FMNL2: variants seen among roughly 807,000 people sequenced by gnomAD.
FMNL2 encodes formin like 2.
A neutral mutation model predicts 130.2 loss-of-function variants in FMNL2; 51 were observed. That is an observed-to-expected ratio of 0.39 (90% CI 0.31 to 0.49). The LOEUF is 0.49. Among genes scored for constraint, FMNL2 ranks in the 20% least tolerant of loss-of-function variants. FMNL2 has a pLI of 0.85. For synonymous variants in FMNL2, 465 were observed against 467.1 expected, an observed-to-expected ratio of 1.00 and a Z score of 0.06; for missense variants, 977 against 1,316.2, an observed-to-expected ratio of 0.74 and a Z score of 3.99.
chr2:152,539,684 G>C (rs1169069966), intron 2 of FMNL2, among the ~76,000 whole-genome samples: 4 of 152,114 alleles, frequency 2.6e-5, no homozygotes, highest in Non-Finnish European at 5.9e-5. Flanking sequence ...ATAATTTCAA[G>C]TCCTAAGGAA....
chr2:152,429,265 C>A (rs1022452566), intron 1 of FMNL2, among the ~76,000 whole-genome samples: 1 of 151,264 alleles, frequency 6.6e-6, no homozygotes, highest in East Asian at 1.9e-4. Context: ...GAAGACAGCA[C>A]GCAGTGTCCG....
chr2:152,421,664 C>A lies in FMNL2; in HGVS notation c.117+85944C>A, dbSNP rs138748811. Among the ~76,000 whole-genome samples, 8 of 152,242 alleles carry A rather than the reference C, an allele frequency of 5.3e-5. No homozygotes were observed. In the East Asian group the frequency reaches 1.5e-3, roughly 29 times the overall value. On this transcript the variant is annotated intron_variant, in intron 1 of 25. Coordinates refer to ENST00000288670, the MANE Select transcript of FMNL2 (RefSeq NM_052905.4). ...GAACTTCGAGAAATGTGAGATGATT[C>A]AATTCTGTTGGCAGCAGTGCCTTTC...
chr2:152,421,952 A>G (rs1365230298), intron 1 of FMNL2, among the ~76,000 whole-genome samples: 1 of 152,200 alleles, frequency 6.6e-6, no homozygotes, highest in Non-Finnish European at 1.5e-5. Flanking sequence ...ATTATCTCCA[A>G]TCCTAAGTAA....
At chr2:152,602,134 C>T (rs1016379742) in intron 9 of FMNL2, among the ~76,000 whole-genome samples, 6 of 152,166 alleles carry the variant, frequency 3.9e-5, no homozygotes, top group Non-Finnish European at 7.3e-5. Context: ...GCCCTTTACC[C>T]CCATCAGTCT....
intron 1 of FMNL2, among the ~76,000 whole-genome samples, chr2:152,521,676 C>A (rs946342861): frequency 6.6e-6 from 1 of 152,302 alleles, no homozygotes; most frequent in East Asian, 1.9e-4. Flanking sequence ...AGCGACAAGG[C>A]ATCACCTTTG....
At position 152,433,552 on chromosome 2, in the gene FMNL2, G is replaced by A. The variant is rs146635637; in HGVS notation, c.118-88391G>A. The stretch of plus-strand genomic sequence containing the variant: ...GCCTAGTGAGTCAACTCTTAATGTA[G>A]TCTACCGTGGACATCAGGGTTGGTC... On this transcript the variant is annotated intron_variant, in intron 1 of 25. Coordinates refer to ENST00000288670, the MANE Select transcript of FMNL2 (RefSeq NM_052905.4). Among the ~76,000 whole-genome samples the A allele has an allele frequency of 1.1e-4, 16 of 152,308 alleles. No individual in the cohort carries two copies. In the East Asian group the frequency reaches 2.5e-3, roughly 24 times the overall value.
intron 1 of FMNL2, among the ~76,000 whole-genome samples, chr2:152,396,044 T>C (rs181159860): frequency 3.9e-5 from 6 of 152,350 alleles, no homozygotes; most frequent in African/African-American, 1.4e-4. Context: ...GTGAATGGGA[T>C]TCTGAAGTCT....
At chr2:152,538,016 G>T (rs986294310) in intron 2 of FMNL2, among the ~76,000 whole-genome samples, 3 of 152,156 alleles carry the variant, frequency 2.0e-5, no homozygotes, top group Admixed American at 6.5e-5. Context: ...GAGCTAAGAG[G>T]TCTAAAGAAT....
chr2:152,491,208 T>C (rs1558908797), intron 1 of FMNL2, among the ~76,000 whole-genome samples: 1 of 152,210 alleles, frequency 6.6e-6, no homozygotes, highest in Non-Finnish European at 1.5e-5. Flanking sequence ...TGTCCCAATT[T>C]AAGGAGGAAG....
chr2:152,600,079 T>C lies in FMNL2; in HGVS notation c.877-7260T>C, dbSNP rs144943336. Among the ~76,000 whole-genome samples the C allele has an allele frequency of 5.3e-5, 8 of 152,306 alleles. No individual in the cohort carries two copies. In the South Asian group the frequency reaches 1.0e-3, roughly 20 times the overall value. On this transcript the variant is annotated intron_variant, in intron 9 of 25. Coordinates refer to ENST00000288670, the MANE Select transcript of FMNL2 (RefSeq NM_052905.4). ...GACTGCTGGTGCACTCAGTAGATGG[T>C]AAAAGATGGTTTTCACCTAGGACTA...
At chr2:152,641,041 C>CCAGAGTGATG in intron 25 of FMNL2, 127 bp downstream of exon 25, 2 of 1,229,526 alleles carry the variant, frequency 1.6e-6, no homozygotes, top group Non-Finnish European at 2.3e-6. Flanking sequence ...TTATTCACAC[C>CCAGAGTGATG]CAGAGTGATG....
chr2:152,428,266 C>G (rs1042331614), intron 1 of FMNL2, among the ~76,000 whole-genome samples: 2 of 152,142 alleles, frequency 1.3e-5, no homozygotes, highest in African/African-American at 4.8e-5. Context: ...AAATCAGAAC[C>G]GTGCTTTCTT....
At chr2:152,500,129 G>T (rs541483577) in intron 1 of FMNL2, among the ~76,000 whole-genome samples, 1 of 152,082 alleles carries the variant, frequency 6.6e-6, no homozygotes, top group Non-Finnish European at 1.5e-5. Context: ...AACAACTTGG[G>T]TGGGGGAATC....
At chr2:152,374,922 G>T (rs919370827) in intron 1 of FMNL2, among the ~76,000 whole-genome samples, 5 of 152,136 alleles carry the variant, frequency 3.3e-5, no homozygotes, top group African/African-American at 7.2e-5. Flanking sequence ...TGAGTTCGTG[G>T]TATGTATTTT....
intron 1 of FMNL2, among the ~76,000 whole-genome samples, chr2:152,441,869 A>G (rs1688068569): frequency 6.6e-6 from 1 of 151,940 alleles, no homozygotes; most frequent in South Asian, 2.1e-4. Flanking sequence ...TTGGAGCAGT[A>G]GAGTTAAAAT....
intron 25 of FMNL2, among the ~76,000 whole-genome samples, chr2:152,644,411 T>C (rs1353074369): frequency 6.6e-6 from 1 of 152,200 alleles, no homozygotes; most frequent in African/African-American, 2.4e-5. Flanking sequence ...TATGCACAGC[T>C]GCAAATCAGG....
chr2:152,632,276 C>G, intron 21 of FMNL2, 139 bp downstream of exon 21: 1 of 1,164,334 alleles, frequency 8.6e-7, no homozygotes, highest in Non-Finnish European at 1.2e-6. Context: ...AGCTGGAACA[C>G]ATCGGCCGTG....
At chr2:152,466,146 T>C (rs1180906583) in intron 1 of FMNL2, among the ~76,000 whole-genome samples, 2 of 152,158 alleles carry the variant, frequency 1.3e-5, no homozygotes, top group African/African-American at 4.8e-5. Context: ...AGAGAGCATA[T>C]AGCAGGTGTG....
chr2:152,636,396 G>T (rs1561267), intron 21 of FMNL2, 31 bp from the exon 22 acceptor site: 1,418,087 of 1,590,942 alleles, frequency 0.89, 634,043 homozygotes, highest in Admixed American at 0.91. Flanking sequence ...TCCCCATTGA[G>T]TTTCACTGGG....
Sources: allele counts gnomAD v4.1 joint callset (sites outside exome capture counted in the v4.1 genomes callset), GRCh38; gene constraint gnomAD v4.1.1; transcripts MANE v1.5; gene names NCBI Gene and HGNC (gene_info 2026-07-23, HGNC 2026-07-21).